The following LGR4 variants were observed in gnomAD, a reference collection of about 807,000 sequenced individuals.
LGR4 encodes the protein leucine rich repeat containing G protein-coupled receptor 4, also known as leucine-rich repeat-containing G protein-coupled receptor 4.
LGR4 carries 44 observed loss-of-function variants against 84.8 expected under a neutral mutation model. The ratio of observed to expected loss-of-function variants is 0.52; its 90% CI spans 0.41 to 0.67. The LOEUF is 0.67. LGR4 is among the 30% of genes least tolerant of loss of function. LGR4 has a pLI of 0.00. For synonymous variants in LGR4, 429 were observed against 434.3 expected (o/e 0.99, Z 0.15); for missense variants, 1,032 against 1,131.4 (o/e 0.91, Z 1.26).
At chr11:27,470,440 T>C (rs1864850587) in intron 1 of LGR4, among the ~76,000 whole-genome samples, 1 of 152,212 alleles carries the variant, frequency 6.6e-6, no homozygotes, top group Non-Finnish European at 1.5e-5. Context: ...CTGGTCAAAA[T>C]AGTAAAATTG....
intron 1 of LGR4, among the ~76,000 whole-genome samples, chr11:27,437,660 A>AGTGT (rs10659033): frequency 0.037 from 5,110 of 139,982 alleles, 115 homozygotes; most frequent in East Asian, 0.082. Context: ...TTAAAGGACT[A>AGTGT]GTGTGTGTGT....
At chr11:27,469,010 A>T (rs1190713983) in intron 1 of LGR4, among the ~76,000 whole-genome samples, 33 of 152,156 alleles carry the variant, frequency 2.2e-4, no homozygotes, top group Admixed American at 2.0e-3. Context: ...CAAATACAGT[A>T]ATAACCTTGA....
At position 27,431,351 on chromosome 11, in the gene LGR4, T is replaced by C. The variant is rs566215835; in HGVS notation, c.186-18491A>G. On this transcript the variant is annotated intron_variant, in intron 1 of 17. Transcript: ENST00000379214. ...TTCACATGTGAGAACCACTGCAGTATATTACAATGGCCCCTTATGCGTTCA... is the reference window on the plus strand; with the variant it reads ...TTCACATGTGAGAACCACTGCAGTACATTACAATGGCCCCTTATGCGTTCA... 6.6e-5 allele frequency among the ~76,000 whole-genome samples: 10 copies of C among 152,316 alleles called. No individual in the cohort carries two copies. The East Asian group carries it at 1.9e-3, about 29-fold the overall frequency.
At chr11:27,472,056 C>T (rs1590422136) in intron 1 of LGR4, 62 bp downstream of exon 1, 1 of 1,175,956 alleles carries the variant, frequency 8.5e-7, no homozygotes, top group Non-Finnish European at 1.1e-6. Flanking sequence ...CTCCGCCCCG[C>T]GGCGCCCCCC....
At chr11:27,450,490 A>G (rs1052730297) in intron 1 of LGR4, among the ~76,000 whole-genome samples, 1 of 152,216 alleles carries the variant, frequency 6.6e-6, no homozygotes, top group African/African-American at 2.4e-5. Context: ...TACTCAACAC[A>G]GAAAATTGTG....
chr11:27,388,233 T>C (rs940444916), intron 4 of LGR4, among the ~76,000 whole-genome samples: 2 of 152,142 alleles, frequency 1.3e-5, no homozygotes, highest in Non-Finnish European at 2.9e-5. Flanking sequence ...CACATGTGGG[T>C]GTGGTGAGGC....
chr11:27,406,743 G>A (rs1323493768), intron 2 of LGR4, among the ~76,000 whole-genome samples: 1 of 152,140 alleles, frequency 6.6e-6, no homozygotes, highest in Non-Finnish European at 1.5e-5. Flanking sequence ...CCAGAGGGCT[G>A]CAAAGTGGAA....
chr11:27,400,571 C>T (rs1021228224), intron 2 of LGR4, among the ~76,000 whole-genome samples: 2 of 151,108 alleles, frequency 1.3e-5, no homozygotes, highest in East Asian at 2.0e-4. Context: ...GGTGCAATCT[C>T]GGCTGACTGC....
chr11:27,431,622 CTTCT>C (rs1231321574), intron 1 of LGR4, among the ~76,000 whole-genome samples: 1 of 152,184 alleles, frequency 6.6e-6, no homozygotes, highest in Non-Finnish European at 1.5e-5. Context: ...TTTGCTCTTC[CTTCT>C]GTTTTTCTTC....
chr11:27,452,623 G>GTTTTTTTTTTTTTTT (rs557477166), intron 1 of LGR4, among the ~76,000 whole-genome samples: 1 of 119,338 alleles, frequency 8.4e-6, no homozygotes, highest in African/African-American at 3.3e-5. Flanking sequence ...AACTTTTTGA[G>GTTTTTTTTTTTTTTT]TTTTTTTTTT....
At chr11:27,445,283 G>A (rs61438770) in intron 1 of LGR4, among the ~76,000 whole-genome samples, 2,723 of 152,244 alleles carry the variant, frequency 0.018, 83 homozygotes, top group African/African-American at 0.063. Flanking sequence ...TGGAGGGCAC[G>A]AACTCTGGAG....
intron 2 of LGR4, among the ~76,000 whole-genome samples, chr11:27,394,189 G>C (rs1319432692): frequency 1.3e-5 from 2 of 152,104 alleles, no homozygotes; most frequent in African/African-American, 4.8e-5. Context: ...GCCTTTCAAG[G>C]TTTCCCCATA....
intron 1 of LGR4, among the ~76,000 whole-genome samples, chr11:27,462,972 C>T (rs893631593): frequency 6.7e-6 from 1 of 148,802 alleles, no homozygotes; most frequent in African/African-American, 2.5e-5. Flanking sequence ...GTGGCTCATA[C>T]CTGTAATCCC....
intron 2 of LGR4, 31 bp from the exon 3 acceptor site, chr11:27,392,549 A>G: frequency 6.6e-7 from 1 of 1,515,898 alleles, no homozygotes; most frequent in Non-Finnish European, 8.9e-7. Flanking sequence ...AGTAGCAAGA[A>G]AAAAATAGTA....
intron 1 of LGR4, among the ~76,000 whole-genome samples, chr11:27,454,275 T>G (rs1864534495): frequency 6.6e-6 from 1 of 152,172 alleles, no homozygotes; most frequent in Non-Finnish European, 1.5e-5. Context: ...TATGTCTCCC[T>G]AAAAAGTATA....
chr11:27,397,706 G>T (rs1863416491), intron 2 of LGR4, among the ~76,000 whole-genome samples: 1 of 152,238 alleles, frequency 6.6e-6, no homozygotes, highest in African/African-American at 2.4e-5. Flanking sequence ...CTTAAGGAAA[G>T]GTGGGGAGGA....
rs1864314610 is a variant in LGR4, at chr11:27,442,094, AG to A, written c.186-29235del. ...GAGCAGCCTCTAACCAAAAGTCTGCAGGGGAAGCAGTTCTTCAGAGAAGAGC... is the reference window on the plus strand; with the variant it reads ...GAGCAGCCTCTAACCAAAAGTCTGCAGGGAAGCAGTTCTTCAGAGAAGAGC... On this transcript the variant is annotated intron_variant, in intron 1 of 17. Coordinates refer to ENST00000379214, the MANE Select transcript of LGR4 (RefSeq NM_018490.5). 5.3e-5 allele frequency among the ~76,000 whole-genome samples: 8 copies of A among 152,316 alleles called. No individual in the cohort carries two copies. In the South Asian group the frequency reaches 1.7e-3, roughly 32 times the overall value.
chr11:27,379,937 A>G (rs1310631344), intron 10 of LGR4, among the ~76,000 whole-genome samples: 1 of 152,216 alleles, frequency 6.6e-6, no homozygotes, highest in East Asian at 1.9e-4. Flanking sequence ...ACCTGACAGT[A>G]TTCAAACCTT....
chr11:27,432,428 T>G (rs1425223760), intron 1 of LGR4, among the ~76,000 whole-genome samples: 1 of 152,126 alleles, frequency 6.6e-6, no homozygotes, highest in Non-Finnish European at 1.5e-5. Context: ...GCTCACCTAC[T>G]TCATATAAAG....
Sources: allele counts gnomAD v4.1 joint callset (sites outside exome capture counted in the v4.1 genomes callset), GRCh38; gene constraint gnomAD v4.1.1; transcripts MANE v1.5; gene names NCBI Gene and HGNC (gene_info 2026-07-23, HGNC 2026-07-21).